Variants in FSHR observed in about 807,000 individuals in gnomAD.
The protein encoded by FSHR is follicle stimulating hormone receptor.
In FSHR, 46 loss-of-function variants were observed where a neutral mutation model predicts 52.1. The observed-to-expected ratio is 0.88, with a 90% CI of 0.70 to 1.13. The LOEUF (loss-of-function observed/expected upper bound fraction) is 1.13. Ranked by LOEUF, FSHR falls within the 50% of genes most tolerant of loss-of-function variation. The probability of loss-of-function intolerance (pLI) is 0.00; values close to 1 mark genes in which losing one functional copy is unlikely to be tolerated. For missense variants in FSHR, 964 were observed against 834.6 expected (o/e 1.16, Z -1.91); for synonymous variants, 399 against 309.6 (o/e 1.29, Z -3.03).
At position 49,091,491 on chromosome 2, in the gene FSHR, C is replaced by A. The variant is rs536484426; in HGVS notation, c.153-23201G>T. Among the ~76,000 whole-genome samples the A allele has an allele frequency of 7.7e-4, 117 of 152,096 alleles. 1 individual carries two copies. The highest frequency in any genetic ancestry group is 7.4e-5 in the Non-Finnish European group (5 of 67,976). ...GCTATATTTTTTGTAGAGATGGGGT[C>A]TCACCATGTTGCCCAGTCTGGTCTT... On this transcript the variant is annotated intron_variant, in intron 1 of 9. Transcript: ENST00000406846.
intron 4 of FSHR, among the ~76,000 whole-genome samples, chr2:49,004,198 G>C (rs1345003251): frequency 6.6e-6 from 1 of 152,180 alleles, no homozygotes; most frequent in Non-Finnish European, 1.5e-5. Context: ...CACATCCAGT[G>C]CCTCTCAGGC....
intron 2 of FSHR, among the ~76,000 whole-genome samples, chr2:49,024,317 G>A (rs775147744): frequency 7.9e-5 from 12 of 152,126 alleles, no homozygotes; most frequent in Non-Finnish European, 1.3e-4. Flanking sequence ...GCTTATGCCT[G>A]TAATCCCAGT....
intron 2 of FSHR, among the ~76,000 whole-genome samples, chr2:49,035,080 C>T (rs72877836): frequency 0.031 from 4,773 of 152,242 alleles, 249 homozygotes; most frequent in African/African-American, 0.11. Context: ...CGTGTTTCAA[C>T]GTCTTTAAGC....
intron 2 of FSHR, among the ~76,000 whole-genome samples, chr2:49,054,422 T>G (rs2104309135): frequency 6.6e-6 from 1 of 152,198 alleles, no homozygotes; most frequent in African/African-American, 2.4e-5. Flanking sequence ...CATCAGCCAG[T>G]AGGCCATCCA....
intron 1 of FSHR, among the ~76,000 whole-genome samples, chr2:49,147,243 A>G (rs1276056744): frequency 6.6e-6 from 1 of 152,030 alleles, no homozygotes; most frequent in African/African-American, 2.4e-5. Context: ...TAGGCAATTA[A>G]AAATAATTAC....
chr2:49,111,928 G>A (rs994746104), intron 1 of FSHR, among the ~76,000 whole-genome samples: 2 of 152,114 alleles, frequency 1.3e-5, no homozygotes, highest in Non-Finnish European at 2.9e-5. Flanking sequence ...CAAAATCTTG[G>A]TGAAGGAAGT....
At chr2:49,064,352 G>C (rs1185480778) in intron 2 of FSHR, among the ~76,000 whole-genome samples, 3 of 152,074 alleles carry the variant, frequency 2.0e-5, no homozygotes, top group South Asian at 2.1e-4. Flanking sequence ...CACCACAAGG[G>C]CCCATCCCCA....
chr2:49,129,385 G>C (rs1309896292), intron 1 of FSHR, among the ~76,000 whole-genome samples: 1 of 152,146 alleles, frequency 6.6e-6, no homozygotes, highest in African/African-American at 2.4e-5. Flanking sequence ...CATGTGCTCA[G>C]AACTCTATGG....
chr2:49,051,393 A>AT lies in FSHR; in HGVS notation c.224+16825dup, dbSNP rs538254372. ...TTTTGGCCATTTTAATGGGTATGTA[A>AT]TAGTATTTCATTATGGTTTTAAATT... On this transcript the variant is annotated intron_variant, in intron 2 of 9. Transcript: ENST00000406846. 1.6e-4 allele frequency among the ~76,000 whole-genome samples: 24 copies of AT among 152,242 alleles called. No individual in the cohort carries two copies. In the South Asian group the frequency reaches 4.8e-3, roughly 30 times the overall value.
At position 49,072,224 on chromosome 2, in the gene FSHR, A is replaced by AAACC. The variant is rs536447661; in HGVS notation, c.153-3938_153-3935dup. 4.0e-4 allele frequency among the ~76,000 whole-genome samples: 61 copies of AAACC among 151,734 alleles called. 2 individuals carry two copies. The South Asian group carries it at 8.1e-3, about 20-fold the overall frequency. On this transcript the variant is annotated intron_variant, in intron 1 of 9. Coordinates refer to ENST00000406846, the MANE Select transcript of FSHR (RefSeq NM_000145.4). The stretch of plus-strand genomic sequence containing the variant: ...GAAAGAACAAAACCAAAAGCAAAGC[A>AAACC]AACCAACCAACCAACCAAACAAACA...
At chr2:49,056,762 GACAAT>G (rs1669081730) in intron 2 of FSHR, among the ~76,000 whole-genome samples, 1 of 151,626 alleles carries the variant, frequency 6.6e-6, no homozygotes, top group Admixed American at 6.6e-5. Flanking sequence ...TTTCTGTTAG[GACAAT>G]AAACAAGTCT....
intron 2 of FSHR, among the ~76,000 whole-genome samples, chr2:49,053,409 A>T (rs1447464901): frequency 6.6e-6 from 1 of 152,146 alleles, no homozygotes; most frequent in Non-Finnish European, 1.5e-5. Context: ...ATAAATCACC[A>T]CATTGTCACC....
intron 3 of FSHR, among the ~76,000 whole-genome samples, chr2:49,018,187 C>T (rs1667558308): frequency 6.6e-6 from 1 of 152,134 alleles, no homozygotes; most frequent in South Asian, 2.1e-4. Context: ...GCCATTGATT[C>T]CCTTTATGCA....
chr2:49,074,948 C>T (rs539286071), intron 1 of FSHR, among the ~76,000 whole-genome samples: 20 of 152,104 alleles, frequency 1.3e-4, no homozygotes, highest in African/African-American at 4.6e-4. Context: ...GAAAGTTGAA[C>T]ACTGTATATT....
chr2:49,075,933 G>C (rs1604821), intron 1 of FSHR, among the ~76,000 whole-genome samples: 73,687 of 151,952 alleles, frequency 0.48, 18,588 homozygotes, highest in East Asian at 0.76. Flanking sequence ...AGACACCACA[G>C]CTAGACTAAC....
chr2:49,024,904 G>T (rs72827273), intron 2 of FSHR, among the ~76,000 whole-genome samples: 1 of 152,164 alleles, frequency 6.6e-6, no homozygotes, highest in Admixed American at 6.6e-5. Context: ...TAGACCCTCT[G>T]TTACTGCCCC....
At chr2:48,994,498 A>T (rs1177332208) in intron 4 of FSHR, among the ~76,000 whole-genome samples, 1 of 152,182 alleles carries the variant, frequency 6.6e-6, no homozygotes, top group African/African-American at 2.4e-5. Context: ...TCTAGTGACC[A>T]TCTAGTGAGA....
intron 4 of FSHR, among the ~76,000 whole-genome samples, chr2:49,013,485 AAT>A (rs1194815128): frequency 0.06 from 5,719 of 95,610 alleles, 303 homozygotes; most frequent in African/African-American, 0.16. Flanking sequence ...TATATAAATA[AAT>A]ATATATATAT....
intron 8 of FSHR, 83 bp from the exon 9 acceptor site, chr2:48,968,966 A>G: frequency 8.3e-7 from 1 of 1,201,964 alleles, no homozygotes; most frequent in African/African-American, 1.5e-5. Context: ...AATAGCAGAC[A>G]CACTAGTGAT....
Sources: gnomAD v4.1 joint callset for allele counts (sites outside exome capture counted in the v4.1 genomes callset) on GRCh38, gnomAD v4.1.1 for gene constraint, MANE v1.5 for transcripts, NCBI Gene and HGNC (gene_info 2026-07-23, HGNC 2026-07-21) for gene names.